WDTC1: variants seen among roughly 807,000 people sequenced by gnomAD.
WDTC1 encodes WD and tetratricopeptide repeats 1.
Under a neutral mutation model 76.0 loss-of-function variants are expected in WDTC1, and 12 were observed. That is an observed-to-expected ratio of 0.16 (90% confidence interval 0.10 to 0.26). WDTC1 has a LOEUF of 0.26. Among genes scored for constraint, WDTC1 ranks in the 10% least tolerant of loss-of-function variants. The pLI is 1.00. For missense variants in WDTC1, 511 were observed against 908.8 expected (o/e 0.56, Z 5.63); for synonymous variants, 326 against 350.8 (o/e 0.93, Z 0.79).
intron 1 of WDTC1, among the ~76,000 whole-genome samples, chr1:27,236,836 GTATT>G (rs1258183657): frequency 3.3e-5 from 5 of 152,034 alleles, no homozygotes; most frequent in Non-Finnish European, 7.4e-5. Flanking sequence ...ATGTATGTAT[GTATT>G]TATTTATTTA....
intron 14 of WDTC1, 42 bp from the exon 15 acceptor site, chr1:27,304,959 C>A: frequency 1.3e-6 from 2 of 1,579,378 alleles, no homozygotes; most frequent in Non-Finnish European, 1.7e-6. Context: ...GGCTGTAGGG[C>A]AGTACCCCAC....
chr1:27,247,981 G>A (rs12564735), intron 1 of WDTC1, among the ~76,000 whole-genome samples: 1,922 of 152,106 alleles, frequency 0.013, 23 homozygotes, highest in East Asian at 0.024. Flanking sequence ...GCCTCCCAAA[G>A]TGCTGGGATT....
rs949053444 is a variant in WDTC1, at chr1:27,305,254, C to G, written c.1836+61C>G. On this transcript the variant is annotated intron_variant, in intron 15 of 15. Coordinates refer to ENST00000319394, the MANE Select transcript of WDTC1 (RefSeq NM_001276252.2). This position sits in a 1 kb window ranked among gnomAD's most constrained non-coding sequence, Gnocchi z 4.6. Reference sequence around the variant, plus strand: ...GACTCTGTGGAAGGCTCCAGTGGAGCCTGCTAGCGCAGGGAAGAGAAATGA... The same window carrying G: ...GACTCTGTGGAAGGCTCCAGTGGAGGCTGCTAGCGCAGGGAAGAGAAATGA... The G allele has an allele frequency of 3.0e-5, 47 of 1,549,792 alleles. No individual in the cohort carries two copies. Among genetic ancestry groups the G allele is most frequent in the Admixed American group, 3.8e-5 (2 of 52,138 alleles).
At chr1:27,268,797 CT>C (rs1431860342) in intron 3 of WDTC1, among the ~76,000 whole-genome samples, 2 of 151,170 alleles carry the variant, frequency 1.3e-5, no homozygotes, top group Non-Finnish European at 2.9e-5. Context: ...TCACTGCAAC[CT>C]TTGCCTCCCG....
At chr1:27,252,033 G>A (rs2012083633) in intron 1 of WDTC1, among the ~76,000 whole-genome samples, 1 of 151,724 alleles carries the variant, frequency 6.6e-6, no homozygotes, top group African/African-American at 2.4e-5. Flanking sequence ...GGGTGATAGA[G>A]CAAGACTCTG....
At chr1:27,267,297 T>C (rs2012706548) in intron 3 of WDTC1, among the ~76,000 whole-genome samples, 2 of 151,934 alleles carry the variant, frequency 1.3e-5, no homozygotes, top group African/African-American at 4.8e-5. Context: ...GCCTAGGCTG[T>C]GGTGCAGTGG....
At chr1:27,273,906 G>C (rs2012948319) in intron 3 of WDTC1, among the ~76,000 whole-genome samples, 2 of 151,886 alleles carry the variant, frequency 1.3e-5, no homozygotes, top group African/African-American at 4.8e-5. Context: ...TTATCAATTA[G>C]GTAAAATGTA....
chr1:27,248,834 T>C (rs1450874223), intron 1 of WDTC1, among the ~76,000 whole-genome samples: 1 of 152,002 alleles, frequency 6.6e-6, no homozygotes, highest in Non-Finnish European at 1.5e-5. Flanking sequence ...ATTTTTTAAC[T>C]TTTTTTAGAG....
intron 1 of WDTC1, among the ~76,000 whole-genome samples, chr1:27,244,032 A>C (rs957034869): frequency 6.0e-5 from 9 of 151,116 alleles, no homozygotes; most frequent in Admixed American, 5.9e-4. Context: ...GGTCCCAACT[A>C]CTCGGGAGGC....
chr1:27,247,908 G>C (rs2011903792), intron 1 of WDTC1, among the ~76,000 whole-genome samples: 2 of 151,914 alleles, frequency 1.3e-5, no homozygotes, highest in Non-Finnish European at 2.9e-5. Flanking sequence ...AGTAGAGACG[G>C]GGTTTCTCCA....
chr1:27,294,673 C>T (rs2013635499), intron 9 of WDTC1, 44 bp downstream of exon 9: 2 of 1,556,136 alleles, frequency 1.3e-6, no homozygotes, highest in Non-Finnish European at 1.8e-6. Flanking sequence ...CCATTCCATG[C>T]CCAGCAGCCA....
At chr1:27,246,434 T>A (rs909393658) in intron 1 of WDTC1, among the ~76,000 whole-genome samples, 7 of 152,206 alleles carry the variant, frequency 4.6e-5, no homozygotes, top group Non-Finnish European at 8.8e-5. Flanking sequence ...AATATTCCAT[T>A]ACAGTGGATA....
At chr1:27,246,032 A>G (rs2011818477) in intron 1 of WDTC1, among the ~76,000 whole-genome samples, 1 of 152,208 alleles carries the variant, frequency 6.6e-6, no homozygotes, top group African/African-American at 2.4e-5. Flanking sequence ...CTCATTTTAC[A>G]AACGGCAGAA....
At chr1:27,294,972 G>A (rs545865901) in intron 9 of WDTC1, among the ~76,000 whole-genome samples, 1 of 152,238 alleles carries the variant, frequency 6.6e-6, no homozygotes, top group South Asian at 2.1e-4. Context: ...TTATTTTTCT[G>A]AGCCTCAGTT....
rs936984960 is a variant in WDTC1 at position 27,303,558 on chromosome 1, G to T, written c.1469-63G>T. Reference sequence around the variant, plus strand: ...TGGACTGAAAACAGAGCCATAGGTGGGGGAAAATAGGGAAGGAGAGAAAGG... The same window carrying T: ...TGGACTGAAAACAGAGCCATAGGTGTGGGAAAATAGGGAAGGAGAGAAAGG... On this transcript the variant is annotated intron_variant, in intron 13 of 15. Transcript: ENST00000319394. The surrounding 1 kb of genome is among the most constrained non-coding windows in gnomAD (Gnocchi z 4.8). The T allele has an allele frequency of 6.6e-7, 1 of 1,517,572 alleles. No individual in the cohort carries two copies. Among genetic ancestry groups the T allele is most frequent in the Admixed American group, 2.4e-5 (1 of 42,270 alleles). 94.0% of individuals were successfully genotyped at this position (1,517,572 alleles called of 1,614,324 possible).
At chr1:27,292,542 C>A in intron 7 of WDTC1, 145 bp downstream of exon 7, 1 of 714,768 alleles carries the variant, frequency 1.4e-6, no homozygotes, top group African/African-American at 1.8e-5. Context: ...ATCCTCCCAT[C>A]TCAGCCTCTC....
chr1:27,306,203 C>A lies in WDTC1; in HGVS notation c.1854C>A (p.Gly618=), dbSNP rs754037662. ...CACCACAGAGTGAAGACCTCACAGG[C>A]CGAGTCGTGGAAGATATGGAGGGTG... ...NPRPESEDLT[G]RVVEDMEGAS... Residue 618 remains glycine (G), a synonymous_variant, in exon 16 of 16, where the codon GGC becomes GGA. Transcript: ENST00000319394. This position sits in a 1 kb window ranked among gnomAD's most constrained non-coding sequence, Gnocchi z 5.0. 1.2e-5 allele frequency: 20 copies of A among 1,613,976 alleles called. No individual in the cohort carries two copies. The highest frequency in any genetic ancestry group is 1.7e-5 in the Admixed American group (1 of 59,986).
At chr1:27,296,464 C>A (rs2013688174) in intron 10 of WDTC1, 63 bp downstream of exon 10, 3 of 1,556,220 alleles carry the variant, frequency 1.9e-6, no homozygotes, top group East Asian at 2.2e-5. Flanking sequence ...GCATGCTACA[C>A]CTGCTGAGAA....
chr1:27,240,976 A>AAAC (rs1391147205), intron 1 of WDTC1, among the ~76,000 whole-genome samples: 1 of 151,350 alleles, frequency 6.6e-6, no homozygotes, highest in African/African-American at 2.4e-5. Context: ...CCATCTCAAA[A>AAAC]AAAAAAAACA....
Sources: allele counts gnomAD v4.1 joint callset (sites outside exome capture counted in the v4.1 genomes callset), GRCh38; gene constraint gnomAD v4.1.1; non-coding constraint Gnocchi (gnomAD v3.1); transcripts MANE v1.5; gene names NCBI Gene and HGNC (gene_info 2026-07-23, HGNC 2026-07-21).